Variants in STK39 observed in about 807,000 individuals in gnomAD.
The protein encoded by STK39 is serine/threonine kinase 39, also known as STE20/SPS1-related proline-alanine-rich protein kinase.
STK39 carries 20 observed loss-of-function variants against 77.8 expected under a neutral mutation model. That is an observed-to-expected ratio of 0.26 (90% CI 0.18 to 0.37). STK39 has a LOEUF of 0.37. Among genes scored for constraint, STK39 ranks in the 10% least tolerant of loss-of-function variants. The pLI, the probability that STK39 is intolerant of heterozygous loss-of-function variation, is 1.00. For synonymous variants in STK39, 246 were observed against 234.1 expected, an observed-to-expected ratio of 1.05 and a Z score of -0.47; for missense variants, 479 against 656.5, an observed-to-expected ratio of 0.73 and a Z score of 2.95.
chr2:168,107,925 C>T (rs148433295), intron 10 of STK39, among the ~76,000 whole-genome samples: 6 of 152,294 alleles, frequency 3.9e-5, no homozygotes, highest in East Asian at 3.9e-4. Flanking sequence ...TGGCATTTAC[C>T]GAGGAATCCA....
chr2:167,986,771 A>T (rs1683570652), intron 16 of STK39, among the ~76,000 whole-genome samples: 1 of 152,192 alleles, frequency 6.6e-6, no homozygotes, highest in Admixed American at 6.5e-5. Context: ...ACCCATGTAA[A>T]TAAAGCTGTT....
chr2:168,025,085 C>T (rs1235738788), intron 14 of STK39, among the ~76,000 whole-genome samples: 1 of 152,190 alleles, frequency 6.6e-6, no homozygotes, highest in African/African-American at 2.4e-5. Context: ...AGTCCCCCAG[C>T]TGCCCTTTCT....
chr2:168,155,445 C>CA (rs544503837), intron 5 of STK39, among the ~76,000 whole-genome samples: 11 of 150,578 alleles, frequency 7.3e-5, no homozygotes, highest in South Asian at 2.1e-4. Flanking sequence ...TCACTTATGC[C>CA]AAAAAAAAAT....
chr2:168,158,438 T>C (rs1299056676), intron 5 of STK39, among the ~76,000 whole-genome samples: 2 of 152,156 alleles, frequency 1.3e-5, no homozygotes, highest in East Asian at 3.9e-4. Flanking sequence ...GACACCCTTG[T>C]GTTTCAGCCT....
chr2:167,962,889 A>G (rs1381937714), intron 17 of STK39, among the ~76,000 whole-genome samples: 1 of 152,158 alleles, frequency 6.6e-6, no homozygotes, highest in Non-Finnish European at 1.5e-5. Flanking sequence ...ATCCTGGGCA[A>G]ATCCACCCCA....
intron 14 of STK39, among the ~76,000 whole-genome samples, chr2:168,062,487 G>A (rs1012207520): frequency 1.3e-5 from 2 of 152,122 alleles, no homozygotes; most frequent in Non-Finnish European, 2.9e-5. Context: ...TCATACCAAG[G>A]GTTACTGTGA....
intron 1 of STK39, among the ~76,000 whole-genome samples, chr2:168,220,357 T>C (rs986569184): frequency 6.6e-6 from 1 of 152,026 alleles, no homozygotes; most frequent in Non-Finnish European, 1.5e-5. Context: ...AGAAAACCAC[T>C]CTAAGCAGCA....
In STK39 at chr2:168,056,486, A is replaced by G. The variant is rs183643143; in HGVS notation, c.1376+7014T>C. 1.7e-3 allele frequency among the ~76,000 whole-genome samples: 252 copies of G among 152,276 alleles called. 1 individual carries two copies. The highest frequency in any genetic ancestry group is 5.9e-3 in the African/African-American group (247 of 41,556). Reference sequence around the variant, plus strand: ...CACAGCATTAGTTAAGGACTGAGGAAGGGCTGGCCTGAACTAAAGTCTCCT... The same window carrying G: ...CACAGCATTAGTTAAGGACTGAGGAGGGGCTGGCCTGAACTAAAGTCTCCT... On this transcript the variant is annotated intron_variant, in intron 14 of 17. Coordinates refer to ENST00000355999, the MANE Select transcript of STK39 (RefSeq NM_013233.3).
chr2:168,046,271 C>A (rs746176674), intron 14 of STK39, among the ~76,000 whole-genome samples: 1 of 152,180 alleles, frequency 6.6e-6, no homozygotes, highest in Non-Finnish European at 1.5e-5. Context: ...GAGGCTGAGG[C>A]AGGAGAATTG....
chr2:167,983,468 AAAGAAAT>A (rs1683479541), intron 16 of STK39, among the ~76,000 whole-genome samples: 1 of 118,830 alleles, frequency 8.4e-6, no homozygotes, highest in African/African-American at 3.3e-5. Flanking sequence ...AAAAAAAAAA[AAAGAAAT>A]GAAAGGAAGG....
chr2:167,979,904 G>A (rs77026874), intron 16 of STK39, among the ~76,000 whole-genome samples: 3 of 152,152 alleles, frequency 2.0e-5, no homozygotes, highest in Admixed American at 1.3e-4. Context: ...AAGCAAAGTC[G>A]TCCCAGGTCT....
At chr2:168,046,756 C>CT (rs2105360362) in intron 14 of STK39, among the ~76,000 whole-genome samples, 1 of 152,306 alleles carries the variant, frequency 6.6e-6, no homozygotes, top group Admixed American at 6.5e-5. Context: ...TAACTGTGTT[C>CT]CCTCCTCAGG....
chr2:167,968,681 C>T (rs1692229185), intron 16 of STK39, among the ~76,000 whole-genome samples: 3 of 151,962 alleles, frequency 2.0e-5, no homozygotes, highest in African/African-American at 7.3e-5. Flanking sequence ...AAAGAGACAC[C>T]CTGAATAGAT....
chr2:168,059,390 C>T (rs1274561836), intron 14 of STK39, among the ~76,000 whole-genome samples: 1 of 152,116 alleles, frequency 6.6e-6, no homozygotes, highest in East Asian at 1.9e-4. Context: ...GGAGATTATC[C>T]TAGGTGAGGC....
chr2:168,221,513 A>T (rs1690169758), intron 1 of STK39, among the ~76,000 whole-genome samples: 3 of 152,168 alleles, frequency 2.0e-5, no homozygotes, highest in African/African-American at 7.2e-5. Context: ...GGAACAAGAC[A>T]ACTAGTCCGC....
chr2:168,215,158 A>T (rs1275174994), intron 1 of STK39, among the ~76,000 whole-genome samples: 2 of 152,316 alleles, frequency 1.3e-5, no homozygotes, highest in East Asian at 3.9e-4. Context: ...TTTCTGAAAT[A>T]AGTTTAAATT....
At chr2:168,184,587 T>C (rs1689161442) in intron 1 of STK39, among the ~76,000 whole-genome samples, 1 of 152,178 alleles carries the variant, frequency 6.6e-6, no homozygotes, top group East Asian at 1.9e-4. Context: ...AGGGATGTGT[T>C]TCCTGCAGCA....
intron 1 of STK39, among the ~76,000 whole-genome samples, chr2:168,244,829 G>C (rs1558895228): frequency 6.6e-6 from 1 of 152,158 alleles, no homozygotes; most frequent in Non-Finnish European, 1.5e-5. Context: ...GCAAAAGTCA[G>C]GGTAGAATAA....
chr2:168,031,502 C>G (rs1173657576), intron 14 of STK39, among the ~76,000 whole-genome samples: 1 of 152,102 alleles, frequency 6.6e-6, no homozygotes, highest in African/African-American at 2.4e-5. Flanking sequence ...AGTTCAGATT[C>G]ATGTTGAAAG....
Sources: gnomAD v4.1 joint callset for allele counts (sites outside exome capture counted in the v4.1 genomes callset) on GRCh38, gnomAD v4.1.1 for gene constraint, MANE v1.5 for transcripts, NCBI Gene and HGNC (gene_info 2026-07-23, HGNC 2026-07-21) for gene names.